HERC1: variants seen among roughly 807,000 people sequenced by gnomAD.
HERC1 encodes probable E3 ubiquitin-protein ligase HERC1.
In HERC1, 160 loss-of-function variants were observed where a neutral mutation model predicts 554.3. The ratio of observed to expected loss-of-function variants is 0.29; its 90% CI spans 0.25 to 0.33. The LOEUF (loss-of-function observed/expected upper bound fraction) is 0.33, where lower values mean the gene tolerates loss of function less well. Among genes scored for constraint, HERC1 ranks in the 10% least tolerant of loss-of-function variants. The pLI, the probability that HERC1 is intolerant of heterozygous loss-of-function variation, is 1.00. For missense variants in HERC1, 4,919 were observed against 5,918.5 expected (o/e 0.83, Z 5.54); for synonymous variants, 2,175 against 2,131.7 (o/e 1.02, Z -0.56).
At chr15:63,641,677 T>G in intron 59 of HERC1, 34 bp from the exon 60 acceptor site, 1 of 1,484,884 alleles carries the variant, frequency 6.7e-7, no homozygotes, top group South Asian at 1.3e-5. Flanking sequence ...CATAATAAAT[T>G]TGTTTAAATA....
chr15:63,744,164 G>GTCTCTCTC (rs71464534), intron 12 of HERC1, among the ~76,000 whole-genome samples: 7 of 46,218 alleles, frequency 1.5e-4, no homozygotes, highest in African/African-American at 4.7e-4. Flanking sequence ...GTGTGTGTGT[G>GTCTCTCTC]TCTCTCTCTC....
At chr15:63,746,890 T>TACA in intron 12 of HERC1, 28 bp downstream of exon 12, 1 of 1,542,654 alleles carries the variant, frequency 6.5e-7, no homozygotes, top group South Asian at 1.2e-5. Flanking sequence ...TGGTTTGAGA[T>TACA]ACAGATTCAC....
At chr15:63,658,432 G>A (rs1426616192) in intron 48 of HERC1, 112 bp downstream of exon 48, 7 of 828,506 alleles carry the variant, frequency 8.4e-6, no homozygotes, top group Admixed American at 2.9e-5. Flanking sequence ...TCATTCAACA[G>A]TACATATTCA....
chr15:63,689,935 G>A (rs1422098606), intron 32 of HERC1, among the ~76,000 whole-genome samples: 6 of 152,092 alleles, frequency 3.9e-5, no homozygotes, highest in South Asian at 4.2e-4. Flanking sequence ...AGGCTGAGGC[G>A]GGTGGATTGC....
intron 53 of HERC1, 146 bp from the exon 54 acceptor site, chr15:63,650,071 A>G: frequency 1.6e-6 from 1 of 626,752 alleles, no homozygotes; most frequent in Non-Finnish European, 2.8e-6. Context: ...CCATGAAGGC[A>G]GGATCCTTCA....
chr15:63,648,752 A>C (rs1045989138), intron 54 of HERC1, among the ~76,000 whole-genome samples: 1 of 152,224 alleles, frequency 6.6e-6, no homozygotes, highest in Non-Finnish European at 1.5e-5. Flanking sequence ...GTGGGAACTG[A>C]GTAGACAGGA....
chr15:63,642,431 G>C (rs901025192), intron 59 of HERC1, among the ~76,000 whole-genome samples: 1 of 152,068 alleles, frequency 6.6e-6, no homozygotes, highest in Admixed American at 6.6e-5. Flanking sequence ...TCTGCCTCCT[G>C]GGTTCAACCA....
At chr15:63,782,807 T>C (rs2143363112) in intron 1 of HERC1, among the ~76,000 whole-genome samples, 1 of 152,364 alleles carries the variant, frequency 6.6e-6, no homozygotes, top group South Asian at 2.1e-4. Flanking sequence ...GTATCAATAT[T>C]AACAAGAGTT....
intron 12 of HERC1, among the ~76,000 whole-genome samples, chr15:63,742,252 C>T (rs960663600): frequency 2.0e-5 from 3 of 152,150 alleles, no homozygotes; most frequent in African/African-American, 7.2e-5. Flanking sequence ...TGCTTTTGTA[C>T]ATAAACTTGT....
rs11855988 is a variant in HERC1 at position 63,616,985 on chromosome 15, C to T, written c.13689-303G>A. Among the ~76,000 whole-genome samples, 71,681 of 151,766 alleles carry T rather than the reference C, an allele frequency of 0.47. 17,814 individuals are homozygous for T. Among genetic ancestry groups the T allele is most frequent in the Non-Finnish European group, 0.54 (36,768 of 67,898 alleles). ...TCTTAAGCTACCTGCTCCAGAATGC[C>T]TTGTTTTCTAAAATCATTATCTTTT... On this transcript the variant is annotated intron_variant, in intron 74 of 77. Coordinates refer to ENST00000443617, the MANE Select transcript of HERC1 (RefSeq NM_003922.4).
intron 1 of HERC1, among the ~76,000 whole-genome samples, chr15:63,789,797 T>A (rs2076578901): frequency 6.8e-6 from 1 of 146,632 alleles, no homozygotes; most frequent in African/African-American, 2.6e-5. Flanking sequence ...GCGAGCCCTG[T>A]CTCAAAATAA....
In HERC1 at chr15:63,692,811, A is replaced by C. The variant is rs1316701385; in HGVS notation, c.5675-245T>G. Among the ~76,000 whole-genome samples, 1 of 152,204 alleles carries C rather than the reference A, an allele frequency of 6.6e-6. No individual in the cohort carries two copies. Among genetic ancestry groups the C allele is most frequent in the Non-Finnish European group, 1.5e-5 (1 of 68,036 alleles). Reference sequence around the variant, plus strand: ...TATGCTATAACTATGATGACTAAGTATAATAAAGAATTATTGGTGACTAGA... The same window carrying C: ...TATGCTATAACTATGATGACTAAGTCTAATAAAGAATTATTGGTGACTAGA... On this transcript the variant is annotated intron_variant, in intron 30 of 77. Transcript: ENST00000443617. The surrounding 1 kb of genome is among the most constrained non-coding windows in gnomAD (Gnocchi z 4.7).
chr15:63,831,835 C>T (rs1012993267), intron 1 of HERC1, among the ~76,000 whole-genome samples: 7 of 152,160 alleles, frequency 4.6e-5, no homozygotes, highest in African/African-American at 1.7e-4. Flanking sequence ...TATTAATAAG[C>T]AGATTAAGTG....
At chr15:63,828,498 C>T (rs62020835) in intron 1 of HERC1, among the ~76,000 whole-genome samples, 40,073 of 151,928 alleles carry the variant, frequency 0.26, 5,805 homozygotes, top group Middle Eastern at 0.38. Context: ...CGCCACCACA[C>T]CAAGCTAATT....
rs539425063 is a variant in HERC1, at chr15:63,621,400, G to A, written c.13688+1415C>T. On this transcript the variant is annotated intron_variant, in intron 74 of 77. Transcript: ENST00000443617. ...ATGTGCTTCCCTTTGTGGGTAACCC[G>A]ACCTTTCTCTCTGGCTGCTCTTAAC... is the stretch of plus-strand genomic sequence containing the variant. Among the ~76,000 whole-genome samples, 240 of 152,222 alleles carry A rather than the reference G, an allele frequency of 1.6e-3. 2 individuals are homozygous for A. Among genetic ancestry groups the A allele is most frequent in the African/African-American group, 5.6e-3 (233 of 41,536 alleles).
At chr15:63,721,985 C>A (rs560914464) in intron 19 of HERC1, among the ~76,000 whole-genome samples, 1 of 152,212 alleles carries the variant, frequency 6.6e-6, no homozygotes, top group African/African-American at 2.4e-5. Flanking sequence ...TTTAGCCTCC[C>A]GAGTAGCTGG....
intron 74 of HERC1, among the ~76,000 whole-genome samples, chr15:63,618,688 G>C (rs2067933549): frequency 6.6e-6 from 1 of 152,178 alleles, no homozygotes; most frequent in Admixed American, 6.5e-5. Context: ...TTGAGCAGTG[G>C]TTTGTAGTTC....
intron 17 of HERC1, among the ~76,000 whole-genome samples, chr15:63,726,772 T>C (rs1017719725): frequency 6.6e-6 from 1 of 152,196 alleles, no homozygotes; most frequent in Non-Finnish European, 1.5e-5. Flanking sequence ...ATAACTCGTA[T>C]CTTACACAAA....
Position 63,696,011 on chromosome 15 carries a change from T to G in HERC1, c.5121+113A>C, listed in dbSNP as rs560044225. 64 of 750,298 alleles carry G rather than the reference T, an allele frequency of 8.5e-5. No homozygotes were observed. In the South Asian group the frequency reaches 1.1e-3, roughly 13 times the overall value. The allele number at this position is 750,298 out of a possible 1,614,324, so 46.5% of individuals were successfully genotyped here. On this transcript the variant is annotated intron_variant, in intron 27 of 77. Transcript: ENST00000443617. ...GAACCAAGGAGCTATCTTAAAAAAT[T>G]TAAAGTCTTTGTATTTTTAAACTGA...
Sources: gnomAD v4.1 joint callset for allele counts (sites outside exome capture counted in the v4.1 genomes callset) on GRCh38, gnomAD v4.1.1 for gene constraint, Gnocchi (gnomAD v3.1) non-coding constraint, MANE v1.5 for transcripts, NCBI Gene and HGNC (gene_info 2026-07-23, HGNC 2026-07-21) for gene names.